The following LYPD6 variants were observed in gnomAD, a reference collection of about 807,000 sequenced individuals.
LYPD6 encodes LY6/PLAUR domain containing 6.
A neutral mutation model predicts 22.7 loss-of-function variants in LYPD6; 15 were observed. The ratio of observed to expected loss-of-function variants is 0.66; its 90% confidence interval spans 0.44 to 1.02. LYPD6 has a LOEUF of 1.02. LYPD6 is among the 50% of genes least tolerant of loss of function. The pLI is 0.00. For synonymous variants in LYPD6, 72 were observed against 77.5 expected (o/e 0.93, Z 0.37); for missense variants, 189 against 208.4 (o/e 0.91, Z 0.57).
chr2:149,458,045 A>G (rs1413720582), intron 3 of LYPD6, among the ~76,000 whole-genome samples: 1 of 152,242 alleles, frequency 6.6e-6, no homozygotes. Flanking sequence ...CTTTTAGACA[A>G]TAGCTGCTCT....
chr2:149,363,143 A>G (rs893541821), intron 1 of LYPD6, among the ~76,000 whole-genome samples: 1 of 152,142 alleles, frequency 6.6e-6, no homozygotes, highest in African/African-American at 2.4e-5. Context: ...TTGGGTTAGT[A>G]TGTTCTGAAC....
At chr2:149,484,417 T>C in the LYPD6 span, among the ~76,000 whole-genome samples, 129 of 152,306 alleles carry the variant, frequency 8.5e-4, no homozygotes, top group African/African-American at 3.0e-3. Context: ...AAAATCCTTT[T>C]CAGACTAAAC....
intron 1 of LYPD6, among the ~76,000 whole-genome samples, chr2:149,397,697 G>A (rs78236912): frequency 6.6e-6 from 1 of 152,218 alleles, no homozygotes; most frequent in Non-Finnish European, 1.5e-5. Flanking sequence ...TCTGAGAGCT[G>A]AATGATGTCT....
At chr2:149,334,073 C>T (rs1680987514) in intron 1 of LYPD6, among the ~76,000 whole-genome samples, 1 of 151,972 alleles carries the variant, frequency 6.6e-6, no homozygotes, top group African/African-American at 2.4e-5. Flanking sequence ...TACCCAAGCT[C>T]TGTAAAACAC....
At chr2:149,456,000 T>A (rs1278666623) in intron 3 of LYPD6, among the ~76,000 whole-genome samples, 1 of 152,210 alleles carries the variant, frequency 6.6e-6, no homozygotes, top group East Asian at 1.9e-4. Flanking sequence ...GTCAGTTTGA[T>A]GAGCATTTAT....
chr2:149,365,432 T>C (rs1681642158), intron 1 of LYPD6, among the ~76,000 whole-genome samples: 1 of 152,240 alleles, frequency 6.6e-6, no homozygotes, highest in South Asian at 2.1e-4. Context: ...GTTCAGAGTT[T>C]CCAGTGTTGT....
chr2:149,386,350 C>T (rs193263075), intron 1 of LYPD6, among the ~76,000 whole-genome samples: 8 of 152,248 alleles, frequency 5.3e-5, no homozygotes, highest in East Asian at 1.9e-4. Flanking sequence ...ATTTTAATAA[C>T]GTTATAGACA....
chr2:149,449,615 A>G (rs1474533884), intron 3 of LYPD6, among the ~76,000 whole-genome samples: 2 of 152,246 alleles, frequency 1.3e-5, no homozygotes, highest in Non-Finnish European at 2.9e-5. Flanking sequence ...TGAGATTTTT[A>G]AACTATTAAG....
chr2:149,418,746 T>G (rs1683018255), intron 1 of LYPD6, among the ~76,000 whole-genome samples: 1 of 152,178 alleles, frequency 6.6e-6, no homozygotes, highest in Non-Finnish European at 1.5e-5. Flanking sequence ...TTTGCTTCCT[T>G]CTCTTCACCC....
the LYPD6 span, among the ~76,000 whole-genome samples, chr2:149,479,696 A>G: frequency 0.7 from 106,995 of 151,960 alleles, 39,480 homozygotes; most frequent in East Asian, 0.86. Context: ...ACTCCTTTCC[A>G]TGTCCAATTC....
downstream of LYPD6, among the ~76,000 whole-genome samples, chr2:149,475,160 C>T (rs1356415589): frequency 5.3e-5 from 8 of 152,130 alleles, no homozygotes; most frequent in Non-Finnish European, 7.3e-5. Context: ...GGTGCCTTGG[C>T]GGTGTTACAG....
intron 1 of LYPD6, among the ~76,000 whole-genome samples, chr2:149,379,040 T>C (rs1387653150): frequency 2.0e-5 from 3 of 152,192 alleles, no homozygotes. Context: ...TTTGAAGAAG[T>C]TATGAATTCA....
chr2:149,400,246 AC>A (rs373473253), intron 1 of LYPD6, among the ~76,000 whole-genome samples: 31 of 152,380 alleles, frequency 2.0e-4, no homozygotes, highest in African/African-American at 7.0e-4. Context: ...CTCCTGGGTT[AC>A]CCAGCTCTTA....
chr2:149,468,645 A>G lies in LYPD6; in HGVS notation c.218A>G (p.Glu73Gly), dbSNP rs1203241668. The G allele has an allele frequency of 1.2e-6, 2 of 1,612,216 alleles. No individual in the cohort carries two copies. The highest frequency in any genetic ancestry group is 1.7e-6 in the Non-Finnish European group (2 of 1,179,384). ...RWAPDIYCPR[E>G]TRYCYTQHTM... Reference sequence around the variant, plus strand: ...TCAAATATATTTTCTCTGTTGACAGAGACCAGATACTGCTACACTCAGCAC... The same window carrying G: ...TCAAATATATTTTCTCTGTTGACAGGGACCAGATACTGCTACACTCAGCAC... Residue 73 changes from glutamate to glycine, a missense_variant and splice_region_variant, in exon 4 of 5, where the codon GAG becomes GGG. Glu to Gly is a moderately conservative substitution (Grantham distance 98). Transcript: ENST00000334166.
intron 1 of LYPD6, among the ~76,000 whole-genome samples, chr2:149,341,570 G>C (rs962297047): frequency 6.6e-6 from 1 of 152,134 alleles, no homozygotes; most frequent in African/African-American, 2.4e-5. Flanking sequence ...GATCTGGGGG[G>C]AATCACAAAG....
chr2:149,429,415 C>G (rs1683264567), intron 1 of LYPD6, among the ~76,000 whole-genome samples: 1 of 152,368 alleles, frequency 6.6e-6, no homozygotes, highest in African/African-American at 2.4e-5. Context: ...CATGTCTAAA[C>G]TGGATGGTTA....
chr2:149,469,239 A>G (rs1247787904), intron 4 of LYPD6, among the ~76,000 whole-genome samples: 1 of 152,120 alleles, frequency 6.6e-6, no homozygotes, highest in East Asian at 1.9e-4. Context: ...GAGTCATTTG[A>G]TAGGTGATGG....
chr2:149,403,814 A>ATTAT (rs1364366887), intron 1 of LYPD6, among the ~76,000 whole-genome samples: 1 of 152,022 alleles, frequency 6.6e-6, no homozygotes, highest in Non-Finnish European at 1.5e-5. Flanking sequence ...GCCCCTGCCT[A>ATTAT]TGTCCTGAAT....
At chr2:149,440,976 A>G (rs900106972) in intron 2 of LYPD6, among the ~76,000 whole-genome samples, 1 of 151,886 alleles carries the variant, frequency 6.6e-6, no homozygotes, top group African/African-American at 2.4e-5. Flanking sequence ...AAGTGTTGGG[A>G]TTACAGGCGT....
Sources: allele counts gnomAD v4.1 joint callset (sites outside exome capture counted in the v4.1 genomes callset), GRCh38; gene constraint gnomAD v4.1.1; transcripts MANE v1.5; gene names NCBI Gene and HGNC (gene_info 2026-07-23, HGNC 2026-07-21).